Variants in PPM1L observed in about 807,000 individuals in gnomAD.
PPM1L encodes the protein protein phosphatase, Mg2+/Mn2+ dependent 1L, also known as protein phosphatase 1L.
In PPM1L, 13 loss-of-function variants were observed where a neutral mutation model predicts 31.4. The observed-to-expected ratio is 0.41, with a 90% CI of 0.27 to 0.66. The LOEUF is 0.66. PPM1L is among the 30% of genes least tolerant of loss of function. The probability of loss-of-function intolerance (pLI) is 0.29; values close to 1 mark genes in which losing one functional copy is unlikely to be tolerated. For synonymous variants in PPM1L, 184 were observed against 175.4 expected, an observed-to-expected ratio of 1.05 and a Z score of -0.39; for missense variants, 326 against 453.7, an observed-to-expected ratio of 0.72 and a Z score of 2.56.
Position 161,069,345 on chromosome 3 carries a change from A to T in PPM1L, c.*188A>T, listed in dbSNP as rs1359431956. 1.0e-5 allele frequency: 6 copies of T among 579,792 alleles called. No individual in the cohort carries two copies. Among genetic ancestry groups the T allele is most frequent in the Non-Finnish European group, 1.8e-5 (6 of 331,526 alleles). 35.9% of individuals were successfully genotyped at this position (579,792 alleles called of 1,614,324 possible). A position where few individuals can be genotyped will look rare whatever the true frequency, so the allele number is the denominator to read the frequency against. ...GTGCCCTTGGCCAATGTAGTTAAGA[A>T]ACTGGAAAATGGTTTCTTCATGTTT... On this transcript the variant is annotated 3_prime_UTR_variant, in exon 4 of 4. Transcript: ENST00000498165.
chr3:160,767,973 C>T (rs550922527), intron 1 of PPM1L, among the ~76,000 whole-genome samples: 7 of 152,100 alleles, frequency 4.6e-5, no homozygotes, highest in African/African-American at 1.4e-4. Context: ...TTAATGACAC[C>T]GTCAGGATTT....
rs539688383 is a variant in PPM1L, at chr3:160,847,321, A to G, written c.399+90614A>G. Among the ~76,000 whole-genome samples the G allele has an allele frequency of 8.5e-4, 129 of 152,340 alleles. 1 individual carries two copies. The highest frequency in any genetic ancestry group is 2.8e-3 in the African/African-American group (116 of 41,588). On this transcript the variant is annotated intron_variant, in intron 1 of 3. Coordinates refer to ENST00000498165, the MANE Select transcript of PPM1L (RefSeq NM_139245.4). Reference sequence around the variant, plus strand: ...AGAGAAGAACCAATATTTTATATTAATTTTAAAACATTGCTTAATGTAAAA... The same window carrying G: ...AGAGAAGAACCAATATTTTATATTAGTTTTAAAACATTGCTTAATGTAAAA...
At chr3:160,880,123 G>A (rs970863789) in intron 1 of PPM1L, among the ~76,000 whole-genome samples, 2 of 152,172 alleles carry the variant, frequency 1.3e-5, no homozygotes, top group East Asian at 1.9e-4. Flanking sequence ...TCTACAGAGA[G>A]AGGAAATTAT....
intron 2 of PPM1L, among the ~76,000 whole-genome samples, chr3:160,972,927 G>C (rs993917081): frequency 2.0e-5 from 3 of 151,982 alleles, no homozygotes; most frequent in Non-Finnish European, 2.9e-5. Context: ...CTGTGGTTTT[G>C]ATTTGCATTT....
At chr3:160,829,363 A>G (rs1205838686) in intron 1 of PPM1L, among the ~76,000 whole-genome samples, 1 of 152,074 alleles carries the variant, frequency 6.6e-6, no homozygotes, top group African/African-American at 2.4e-5. Flanking sequence ...GCATATACCT[A>G]CTTCATTTCT....
chr3:161,030,016 A>C (rs886623700), intron 2 of PPM1L, among the ~76,000 whole-genome samples: 1 of 152,206 alleles, frequency 6.6e-6, no homozygotes, highest in African/African-American at 2.4e-5. Flanking sequence ...TTTTTACCTC[A>C]TGCCTGCAGA....
intron 1 of PPM1L, among the ~76,000 whole-genome samples, chr3:160,782,150 C>T (rs1475559220): frequency 1.3e-5 from 2 of 151,874 alleles, no homozygotes; most frequent in African/African-American, 2.4e-5. Context: ...TTAGCAGTCA[C>T]TCTCCCTATT....
intron 2 of PPM1L, among the ~76,000 whole-genome samples, chr3:160,976,932 C>T (rs1359160071): frequency 1.3e-5 from 2 of 152,074 alleles, no homozygotes; most frequent in Non-Finnish European, 1.5e-5. Context: ...AATGTGTTTG[C>T]TCTTGCTTTT....
chr3:160,957,124 G>T (rs1325816506), intron 1 of PPM1L, among the ~76,000 whole-genome samples: 1 of 152,192 alleles, frequency 6.6e-6, no homozygotes, highest in Non-Finnish European at 1.5e-5. Context: ...AAGATATGAA[G>T]GATTGACTAA....
At chr3:160,983,024 A>T (rs1417103845) in intron 2 of PPM1L, among the ~76,000 whole-genome samples, 1 of 152,234 alleles carries the variant, frequency 6.6e-6, no homozygotes, top group African/African-American at 2.4e-5. Context: ...TCAATCTGAG[A>T]TTAAGCATTA....
chr3:160,841,362 G>A (rs910683273), intron 1 of PPM1L, among the ~76,000 whole-genome samples: 1 of 151,374 alleles, frequency 6.6e-6, no homozygotes, highest in Non-Finnish European at 1.5e-5. Context: ...GAGGATTGGA[G>A]ATTAGATTAT....
chr3:161,026,297 G>C (rs1438323740), intron 2 of PPM1L, among the ~76,000 whole-genome samples: 1 of 152,222 alleles, frequency 6.6e-6, no homozygotes, highest in Non-Finnish European at 1.5e-5. Flanking sequence ...CTAGGTGCTA[G>C]GGGAATTTCC....
intron 1 of PPM1L, among the ~76,000 whole-genome samples, chr3:160,761,216 G>C (rs534658200): frequency 4.6e-5 from 7 of 152,198 alleles, no homozygotes; most frequent in Non-Finnish European, 8.8e-5. Flanking sequence ...GATTAGTCTA[G>C]ATAGAATAAA....
intron 1 of PPM1L, among the ~76,000 whole-genome samples, chr3:160,902,857 C>G (rs1352989507): frequency 1.3e-5 from 2 of 152,088 alleles, no homozygotes; most frequent in Admixed American, 1.3e-4. Context: ...AGATGTTTAT[C>G]TAGCTCGACT....
intron 1 of PPM1L, among the ~76,000 whole-genome samples, chr3:160,889,737 G>A (rs540634162): frequency 3.9e-5 from 6 of 152,266 alleles, no homozygotes; most frequent in East Asian, 1.9e-4. Flanking sequence ...GATGAACATC[G>A]ATGCAAAAAT....
chr3:160,883,837 G>C (rs1397944171), intron 1 of PPM1L, among the ~76,000 whole-genome samples: 1 of 137,692 alleles, frequency 7.3e-6, no homozygotes, highest in Non-Finnish European at 1.5e-5. Context: ...TATCCACCAG[G>C]AGTTTGAGAC....
intron 1 of PPM1L, among the ~76,000 whole-genome samples, chr3:160,953,308 TAA>T (rs1180989528): frequency 6.6e-6 from 1 of 152,176 alleles, no homozygotes; most frequent in East Asian, 1.9e-4. Context: ...TACTATTCAC[TAA>T]GTCTTAGAAT....
At chr3:161,068,552 C>T (rs549490236) in intron 3 of PPM1L, among the ~76,000 whole-genome samples, 2 of 152,336 alleles carry the variant, frequency 1.3e-5, no homozygotes, top group Non-Finnish European at 2.9e-5. Flanking sequence ...TGCCCTCCCC[C>T]ATATGTATCC....
chr3:160,996,844 A>G (rs761903800), intron 2 of PPM1L, among the ~76,000 whole-genome samples: 1 of 152,212 alleles, frequency 6.6e-6, no homozygotes, highest in Non-Finnish European at 1.5e-5. Context: ...TGATGAGTGA[A>G]CACATCATGA....
Sources: allele counts gnomAD v4.1 joint callset (sites outside exome capture counted in the v4.1 genomes callset), GRCh38; gene constraint gnomAD v4.1.1; transcripts MANE v1.5; gene names NCBI Gene and HGNC (gene_info 2026-07-23, HGNC 2026-07-21).